SCARA5: variants seen among roughly 807,000 people sequenced by gnomAD.
SCARA5 encodes scavenger receptor class A, member 5 (putative).
SCARA5 carries 45 observed loss-of-function variants against 46.3 expected under a neutral mutation model. The observed-to-expected ratio is 0.97, with a 90% CI of 0.76 to 1.24. The LOEUF is 1.24. SCARA5 is among the 50% of genes most tolerant of loss of function. The pLI, the probability that SCARA5 is intolerant of heterozygous loss-of-function variation, is 0.00. For missense variants in SCARA5, 680 were observed against 689.0 expected (o/e 0.99, Z 0.15); for synonymous variants, 333 against 306.5 (o/e 1.09, Z -0.90).
intron 2 of SCARA5, among the ~76,000 whole-genome samples, chr8:27,973,824 T>C (rs1420781779): frequency 1.3e-5 from 2 of 152,178 alleles, no homozygotes; most frequent in Admixed American, 1.3e-4. Context: ...GCTTGACTTA[T>C]GGGGTGAAAA....
intron 8 of SCARA5, 109 bp downstream of exon 8, chr8:27,879,460 C>G: frequency 9.3e-7 from 1 of 1,072,128 alleles, no homozygotes; most frequent in Non-Finnish European, 1.4e-6. Context: ...TGGGGAGAGG[C>G]TGGGGACCTC....
At chr8:27,962,506 GGTT>G (rs1319703089) in intron 3 of SCARA5, among the ~76,000 whole-genome samples, 4 of 152,170 alleles carry the variant, frequency 2.6e-5, no homozygotes, top group African/African-American at 9.7e-5. Flanking sequence ...TCCCAATAAA[GGTT>G]GATGGCATTA....
At chr8:27,962,922 C>A (rs890845635) in intron 3 of SCARA5, among the ~76,000 whole-genome samples, 6 of 152,190 alleles carry the variant, frequency 3.9e-5, no homozygotes, top group Non-Finnish European at 7.3e-5. Flanking sequence ...ATGATGATGA[C>A]AACGACCGAA....
At chr8:27,967,575 C>T (rs904034804) in intron 2 of SCARA5, among the ~76,000 whole-genome samples, 1 of 152,146 alleles carries the variant, frequency 6.6e-6, no homozygotes, top group South Asian at 2.1e-4. Flanking sequence ...TTCCTTACCC[C>T]CTGTGGGTAA....
At chr8:27,972,729 G>C (rs1339106294) in intron 2 of SCARA5, among the ~76,000 whole-genome samples, 1 of 152,126 alleles carries the variant, frequency 6.6e-6, no homozygotes. Flanking sequence ...GCCTAGGATG[G>C]TGGTATGTGC....
At chr8:27,888,577 G>A (rs1018113602) in intron 7 of SCARA5, among the ~76,000 whole-genome samples, 2 of 152,216 alleles carry the variant, frequency 1.3e-5, no homozygotes, top group African/African-American at 4.8e-5. Context: ...CCAGGAGGTT[G>A]AGTCTTAAGT....
At chr8:27,971,331 G>T (rs1313982349) in intron 2 of SCARA5, among the ~76,000 whole-genome samples, 1 of 152,170 alleles carries the variant, frequency 6.6e-6, no homozygotes, top group Non-Finnish European at 1.5e-5. Flanking sequence ...AATTCACCAG[G>T]GTGTGAAGGA....
In SCARA5 at chr8:27,893,870, C is replaced by T. The variant is rs140303478; in HGVS notation, c.1153+10908G>A. On this transcript the variant is annotated intron_variant, in intron 7 of 8. Coordinates refer to ENST00000354914, the MANE Select transcript of SCARA5 (RefSeq NM_173833.6). ...AACTGAGCAAGTGGTTTTATTACTC[C>T]GCCCCCAGCGGGTTTAGGAGGACTG... 3.5e-3 allele frequency among the ~76,000 whole-genome samples: 526 copies of T among 152,320 alleles called. 4 individuals are homozygous for T. Among genetic ancestry groups the T allele is most frequent in the African/African-American group, 0.012 (487 of 41,554 alleles).
intron 5 of SCARA5, among the ~76,000 whole-genome samples, chr8:27,907,592 T>TTTTTTTTTTTTTTTTTTTA (rs398007334): frequency 8.5e-6 from 1 of 117,858 alleles, no homozygotes; most frequent in Non-Finnish European, 1.9e-5. Context: ...TTTTTTTTTT[T>TTTTTTTTTTTTTTTTTTTA]GAGACAAAGT....
intron 3 of SCARA5, among the ~76,000 whole-genome samples, chr8:27,962,173 G>T (rs1391399074): frequency 6.6e-6 from 1 of 152,168 alleles, no homozygotes; most frequent in Non-Finnish European, 1.5e-5. Flanking sequence ...ACTTGCTGCA[G>T]GTGGACCACA....
At chr8:27,960,678 C>T (rs1018774295) in intron 3 of SCARA5, among the ~76,000 whole-genome samples, 1 of 152,154 alleles carries the variant, frequency 6.6e-6, no homozygotes, top group Non-Finnish European at 1.5e-5. Context: ...ACCCAGAAGT[C>T]TGGCCTCAAA....
At chr8:27,899,573 G>A (rs1444724129) in intron 7 of SCARA5, among the ~76,000 whole-genome samples, 1 of 152,230 alleles carries the variant, frequency 6.6e-6, no homozygotes, top group Non-Finnish European at 1.5e-5. Flanking sequence ...TGTGCAAAGG[G>A]CCACCAGGGA....
At chr8:27,912,054 G>A (rs1370694007) in intron 4 of SCARA5, among the ~76,000 whole-genome samples, 1 of 152,154 alleles carries the variant, frequency 6.6e-6, no homozygotes, top group African/African-American at 2.4e-5. Flanking sequence ...CTTTCAGAGG[G>A]AACGTGGCCC....
At chr8:27,965,833 T>G (rs2129937018) in intron 3 of SCARA5, among the ~76,000 whole-genome samples, 1 of 152,332 alleles carries the variant, frequency 6.6e-6, no homozygotes, top group Non-Finnish European at 1.5e-5. Flanking sequence ...GCTCACAGCT[T>G]GGGGCCAACA....
In SCARA5 at chr8:27,940,872, C is replaced by A. The variant is rs763834051; in HGVS notation, c.242-18627G>T. Reference sequence around the variant, plus strand: ...GGGAGGGTTTTCCCAATTAAAAACACTAACACTGAGAGCAAGAGTTACTTT... The same window carrying A: ...GGGAGGGTTTTCCCAATTAAAAACAATAACACTGAGAGCAAGAGTTACTTT... On this transcript the variant is annotated intron_variant, in intron 3 of 8. Coordinates refer to ENST00000354914, the MANE Select transcript of SCARA5 (RefSeq NM_173833.6). Among the ~76,000 whole-genome samples, 6 of 152,068 alleles carry A rather than the reference C, an allele frequency of 3.9e-5. 1 individual carries two copies. Among genetic ancestry groups the A allele is most frequent in the Non-Finnish European group, 5.9e-5 (4 of 68,028 alleles).
In SCARA5 at chr8:27,922,139, C is replaced by G. The variant is rs747615343; in HGVS notation, c.348G>C (p.Pro116=). Residue 116 remains proline, a synonymous_variant, in exon 4 of 9, where the codon CCG becomes CCC. Transcript: ENST00000354914. ...RDLQLRLLQA[P]LQADLTEQVW... is the part of the protein sequence containing the mutation. Reference sequence around the variant, plus strand: ...CCTGCTCCGTCAGGTCCGCTTGCAGCGGAGCCTGCAGCAGCCGCAGCTGCA... The same window carrying G: ...CCTGCTCCGTCAGGTCCGCTTGCAGGGGAGCCTGCAGCAGCCGCAGCTGCA... The G allele has an allele frequency of 2.5e-6, 4 of 1,607,038 alleles. No homozygotes were observed. The highest frequency in any genetic ancestry group is 8.5e-7 in the Non-Finnish European group (1 of 1,177,638).
chr8:27,982,130 C>T (rs1246732189), intron 2 of SCARA5, among the ~76,000 whole-genome samples: 2 of 152,166 alleles, frequency 1.3e-5, no homozygotes, highest in South Asian at 4.1e-4. Context: ...TAACTCATTA[C>T]CCCCAGGTCC....
intron 2 of SCARA5, among the ~76,000 whole-genome samples, chr8:27,975,925 C>T (rs114474496): frequency 8.1e-4 from 123 of 152,296 alleles, no homozygotes; most frequent in African/African-American, 2.8e-3. Flanking sequence ...GCAGATTTTA[C>T]GATGGTCTGG....
intron 7 of SCARA5, among the ~76,000 whole-genome samples, chr8:27,883,096 C>T (rs907934335): frequency 3.3e-5 from 5 of 152,212 alleles, no homozygotes; most frequent in African/African-American, 1.2e-4. Context: ...GGGCTGAGCC[C>T]CTGTCACATT....
Sources: allele counts gnomAD v4.1 joint callset (sites outside exome capture counted in the v4.1 genomes callset), GRCh38; gene constraint gnomAD v4.1.1; transcripts MANE v1.5; gene names NCBI Gene and HGNC (gene_info 2026-07-23, HGNC 2026-07-21).